The following PGCKA1 variants were observed in gnomAD, a reference collection of about 807,000 sequenced individuals.
PGCKA1 encodes PDCD10 and GCKIII kinases-associated protein 1.
the PGCKA1 span, among the ~76,000 whole-genome samples, chr4:37,555,014 C>T: frequency 1.3e-5 from 2 of 152,148 alleles, no homozygotes; most frequent in African/African-American, 2.4e-5. Context: ...TTAATGAGAG[C>T]TTTTCATTAC....
the PGCKA1 span, among the ~76,000 whole-genome samples, chr4:37,522,343 C>T: frequency 2.0e-5 from 3 of 152,152 alleles, no homozygotes; most frequent in African/African-American, 7.2e-5. Context: ...AGAGGAGCCT[C>T]ACCCCATAGC....
At chr4:37,548,021 A>G in the PGCKA1 span, among the ~76,000 whole-genome samples, 23 of 141,972 alleles carry the variant, frequency 1.6e-4, no homozygotes, top group African/African-American at 4.5e-4. Context: ...AGGAAAAAAA[A>G]AGGGGGGGAG....
At chr4:37,546,789 G>A in the PGCKA1 span, among the ~76,000 whole-genome samples, 13,974 of 152,308 alleles carry the variant, frequency 0.092, 696 homozygotes, top group Middle Eastern at 0.17. Context: ...CCTGAGTGAC[G>A]CGATCCAAAG....
the PGCKA1 span, among the ~76,000 whole-genome samples, chr4:37,489,807 C>T: frequency 6.6e-6 from 1 of 152,150 alleles, no homozygotes; most frequent in African/African-American, 2.4e-5. Context: ...TTTTCCAGCA[C>T]AGATAAATCT....
chr4:37,457,079 A>T, the PGCKA1 span, among the ~76,000 whole-genome samples: 2 of 152,210 alleles, frequency 1.3e-5, no homozygotes, highest in African/African-American at 4.8e-5. Flanking sequence ...GTTTTTAATC[A>T]CAGAAAAAGG....
the PGCKA1 span, among the ~76,000 whole-genome samples, chr4:37,478,455 G>A: frequency 2.0e-5 from 3 of 151,964 alleles, no homozygotes; most frequent in Admixed American, 2.0e-4. Context: ...AAAAAAAAAT[G>A]GATTAATTAT....
At chr4:37,588,951 G>A in the PGCKA1 span, 1 of 1,408,260 alleles carries the variant, frequency 7.1e-7, no homozygotes, top group South Asian at 1.2e-5. Flanking sequence ...GATGAGCGTG[G>A]GGTCACTTTT....
At chr4:37,474,741 T>C in the PGCKA1 span, among the ~76,000 whole-genome samples, 2 of 152,190 alleles carry the variant, frequency 1.3e-5, no homozygotes, top group African/African-American at 4.8e-5. Context: ...ATGAAGCTAG[T>C]AAGTGACAGA....
At chr4:37,570,081 G>A in the PGCKA1 span, among the ~76,000 whole-genome samples, 1 of 140,322 alleles carries the variant, frequency 7.1e-6, no homozygotes, top group East Asian at 2.1e-4. Context: ...CCAGGTTCAC[G>A]CCATTCTCCT....
chr4:37,463,713 A>T, the PGCKA1 span, among the ~76,000 whole-genome samples: 1 of 151,804 alleles, frequency 6.6e-6, no homozygotes, highest in African/African-American at 2.4e-5. Flanking sequence ...CTCACTGGTG[A>T]GGGAGCTAGA....
At chr4:37,582,555 C>A in the PGCKA1 span, among the ~76,000 whole-genome samples, 1 of 152,184 alleles carries the variant, frequency 6.6e-6, no homozygotes, top group Non-Finnish European at 1.5e-5. Flanking sequence ...AAGCATTCTT[C>A]TGTCTTTCTT....
At chr4:37,507,803 A>G in the PGCKA1 span, among the ~76,000 whole-genome samples, 1 of 152,116 alleles carries the variant, frequency 6.6e-6, no homozygotes, top group Non-Finnish European at 1.5e-5. Context: ...ATTATTGCTC[A>G]TTAGCATCCT....
the PGCKA1 span, among the ~76,000 whole-genome samples, chr4:37,592,185 G>C: frequency 6.8e-6 from 1 of 148,066 alleles, no homozygotes; most frequent in Non-Finnish European, 1.5e-5. Context: ...CTCCAGCCTG[G>C]GTGACAGTGC....
chr4:37,500,965 G>GA, the PGCKA1 span, among the ~76,000 whole-genome samples: 1 of 152,042 alleles, frequency 6.6e-6, no homozygotes, highest in Non-Finnish European at 1.5e-5. Context: ...TCATTTGCTT[G>GA]GTAGATTTTT....
the PGCKA1 span, among the ~76,000 whole-genome samples, chr4:37,548,167 A>G: frequency 6.8e-6 from 1 of 147,272 alleles, no homozygotes; most frequent in African/African-American, 2.5e-5. Flanking sequence ...GAAAGTCGTG[A>G]AAGAAAAAAA....
chr4:37,572,687 A>T, the PGCKA1 span, among the ~76,000 whole-genome samples: 2 of 152,260 alleles, frequency 1.3e-5, no homozygotes, highest in Non-Finnish European at 2.9e-5. Context: ...GAAATATCTT[A>T]GGAATGGGAA....
At chr4:37,540,773 T>C in the PGCKA1 span, among the ~76,000 whole-genome samples, 2 of 151,758 alleles carry the variant, frequency 1.3e-5, no homozygotes, top group Non-Finnish European at 2.9e-5. Context: ...TATTCAGATA[T>C]TGGCCCCATG....
the PGCKA1 span, chr4:37,590,153 T>C: frequency 2.5e-6 from 4 of 1,614,194 alleles, no homozygotes; most frequent in Non-Finnish European, 3.4e-6. Flanking sequence ...AGCTGCAAGC[T>C]AGATGAAGAC....
the PGCKA1 span, among the ~76,000 whole-genome samples, chr4:37,573,839 A>G: frequency 3.9e-5 from 6 of 152,352 alleles, no homozygotes; most frequent in South Asian, 1.2e-3. Context: ...TCCTACCAGT[A>G]GTAAATGACT....
Sources: gnomAD v4.1 joint callset for allele counts (sites outside exome capture counted in the v4.1 genomes callset) on GRCh38, gnomAD v4.1.1 for gene constraint, MANE v1.5 for transcripts, NCBI Gene and HGNC (gene_info 2026-07-23, HGNC 2026-07-21) for gene names.